DACH1: variants seen among roughly 807,000 people sequenced by gnomAD.
DACH1 encodes the protein dachshund family transcription factor 1.
Under a neutral mutation model 54.2 loss-of-function variants are expected in DACH1, and 12 were observed. The observed-to-expected ratio is 0.22, with a 90% CI of 0.14 to 0.36. DACH1 has a LOEUF of 0.36. Ranked by LOEUF, DACH1 falls within the 10% of genes least tolerant of loss-of-function variation. The pLI is 1.00. For synonymous variants in DACH1, 386 were observed against 366.2 expected (o/e 1.05, Z -0.62); for missense variants, 805 against 929.8 (o/e 0.87, Z 1.75).
chr13:71,503,536 A>C (rs2138238448), intron 6 of DACH1, among the ~76,000 whole-genome samples: 1 of 152,356 alleles, frequency 6.6e-6, no homozygotes, highest in East Asian at 1.9e-4. Context: ...TCATATAAAA[A>C]TAACTTAGGA....
intron 1 of DACH1, among the ~76,000 whole-genome samples, chr13:71,700,594 G>C (rs1230291013): frequency 6.7e-6 from 1 of 149,314 alleles, no homozygotes; most frequent in Non-Finnish European, 1.5e-5. Flanking sequence ...AAGAGAGAGA[G>C]AGAGAGAGAG....
At chr13:71,697,132 G>A (rs933187351) in intron 1 of DACH1, among the ~76,000 whole-genome samples, 2 of 152,080 alleles carry the variant, frequency 1.3e-5, no homozygotes, top group Non-Finnish European at 2.9e-5. Context: ...GTGACTATCT[G>A]TCTTGCATAT....
At chr13:71,490,392 G>A (rs1878881692) in intron 6 of DACH1, among the ~76,000 whole-genome samples, 1 of 152,028 alleles carries the variant, frequency 6.6e-6, no homozygotes, top group Admixed American at 6.6e-5. Flanking sequence ...CCCTCACCTT[G>A]CCACATTTCT....
chr13:71,647,310 C>T (rs954416199), intron 2 of DACH1, among the ~76,000 whole-genome samples: 2 of 152,208 alleles, frequency 1.3e-5, no homozygotes, highest in East Asian at 3.9e-4. Flanking sequence ...TGAAAACATA[C>T]CAGTCCTTGT....
chr13:71,498,202 T>C (rs1879608867), intron 6 of DACH1, among the ~76,000 whole-genome samples: 1 of 152,206 alleles, frequency 6.6e-6, no homozygotes, highest in Non-Finnish European at 1.5e-5. Flanking sequence ...GTCTTAACTT[T>C]TGAATAGTTC....
intron 1 of DACH1, among the ~76,000 whole-genome samples, chr13:71,705,297 G>A (rs1882380332): frequency 6.6e-6 from 1 of 152,104 alleles, no homozygotes; most frequent in African/African-American, 2.4e-5. Context: ...TCTGGGTTGG[G>A]AAAAAGAATA....
At chr13:71,593,173 G>A (rs1873856035) in intron 3 of DACH1, among the ~76,000 whole-genome samples, 1 of 152,130 alleles carries the variant, frequency 6.6e-6, no homozygotes, top group African/African-American at 2.4e-5. Flanking sequence ...TTATTTTTAA[G>A]TTAGCAGTTA....
intron 6 of DACH1, among the ~76,000 whole-genome samples, chr13:71,491,539 G>T (rs111903715): frequency 1.1e-3 from 163 of 152,146 alleles, no homozygotes; most frequent in African/African-American, 3.7e-3. Context: ...CTTACATAGC[G>T]AAGAGACTAC....
intron 2 of DACH1, among the ~76,000 whole-genome samples, chr13:71,672,982 C>A (rs980219527): frequency 6.6e-6 from 1 of 152,228 alleles, no homozygotes; most frequent in Non-Finnish European, 1.5e-5. Context: ...GCAAATAATA[C>A]CTTGCAGTTA....
intron 1 of DACH1, among the ~76,000 whole-genome samples, chr13:71,802,881 T>C (rs567234268): frequency 4.6e-5 from 7 of 152,222 alleles, no homozygotes; most frequent in South Asian, 2.1e-4. Context: ...ACCAAAAATT[T>C]AGAAACTGTT....
intron 8 of DACH1, among the ~76,000 whole-genome samples, chr13:71,477,599 GCTTAC>G (rs563926199): frequency 5.8e-4 from 88 of 152,216 alleles, no homozygotes; most frequent in African/African-American, 2.0e-3. Context: ...CAAATCATGT[GCTTAC>G]CTTAACAAAA....
intron 6 of DACH1, among the ~76,000 whole-genome samples, chr13:71,496,154 C>G (rs1377813548): frequency 6.6e-6 from 1 of 150,922 alleles, no homozygotes; most frequent in African/African-American, 2.4e-5. Context: ...ACAAGATTGG[C>G]TTGAACCTAG....
chr13:71,697,386 C>T (rs1184524284), intron 1 of DACH1, among the ~76,000 whole-genome samples: 1 of 152,058 alleles, frequency 6.6e-6, no homozygotes, highest in African/African-American at 2.4e-5. Flanking sequence ...GTGTATGGCG[C>T]CAACTTGATA....
intron 1 of DACH1, among the ~76,000 whole-genome samples, chr13:71,803,598 C>T (rs1007631380): frequency 6.6e-6 from 1 of 152,078 alleles, no homozygotes; most frequent in Non-Finnish European, 1.5e-5. Context: ...TTTGAAGTCT[C>T]TACTTAAATT....
intron 1 of DACH1, among the ~76,000 whole-genome samples, chr13:71,796,866 G>A (rs1225564073): frequency 1.3e-5 from 2 of 152,066 alleles, no homozygotes; most frequent in Non-Finnish European, 2.9e-5. Context: ...TTAGGGTTAG[G>A]AAACTGGTTT....
chr13:71,748,895 T>TC (rs1491160313), intron 1 of DACH1, among the ~76,000 whole-genome samples: 14 of 99,556 alleles, frequency 1.4e-4, no homozygotes, highest in African/African-American at 6.7e-4. Context: ...TCTTTCTTTC[T>TC]TTCTCTTTCT....
At chr13:71,849,020 C>T (rs760863620) in intron 1 of DACH1, among the ~76,000 whole-genome samples, 93 of 152,246 alleles carry the variant, frequency 6.1e-4, no homozygotes, top group Non-Finnish European at 9.6e-4. Flanking sequence ...TATGACCCTA[C>T]GGTGTCTATA....
At chr13:71,726,094 C>A (rs1665324037) in intron 1 of DACH1, among the ~76,000 whole-genome samples, 1 of 152,082 alleles carries the variant, frequency 6.6e-6, no homozygotes, top group Non-Finnish European at 1.5e-5. Context: ...ATGCTTCCCC[C>A]TCAGAATCTC....
intron 6 of DACH1, among the ~76,000 whole-genome samples, chr13:71,515,575 C>T (rs529409455): frequency 2.6e-5 from 4 of 151,852 alleles, no homozygotes; most frequent in Non-Finnish European, 4.4e-5. Flanking sequence ...GAAGGTTACA[C>T]GGTGCAACCC....
Sources: gnomAD v4.1 joint callset for allele counts (sites outside exome capture counted in the v4.1 genomes callset) on GRCh38, gnomAD v4.1.1 for gene constraint, MANE v1.5 for transcripts, NCBI Gene and HGNC (gene_info 2026-07-23, HGNC 2026-07-21) for gene names.